The following AFP variants were observed in gnomAD, a reference collection of about 807,000 sequenced individuals.
AFP encodes the protein alpha-fetoprotein.
In AFP, 64 loss-of-function variants were observed where a neutral mutation model predicts 78.9. That is an observed-to-expected ratio of 0.81 (90% CI 0.66 to 1.00). AFP has a LOEUF of 1.00. Among genes scored for constraint, AFP ranks in the 50% least tolerant of loss-of-function variants. The probability of loss-of-function intolerance (pLI) is 0.00; values close to 1 mark genes in which losing one functional copy is unlikely to be tolerated. For synonymous variants in AFP, 254 were observed against 243.8 expected, an observed-to-expected ratio of 1.04 and a Z score of -0.39; for missense variants, 689 against 703.8, an observed-to-expected ratio of 0.98 and a Z score of 0.24.
At chr4:73,451,665 G>A (rs531893531) in intron 11 of AFP, among the ~76,000 whole-genome samples, 51 of 152,140 alleles carry the variant, frequency 3.4e-4, no homozygotes, top group Non-Finnish European at 6.2e-4. Flanking sequence ...GTATCACAGT[G>A]GGAAAGCAAC....
At chr4:73,437,581 T>C (rs778919774) in intron 2 of AFP, among the ~76,000 whole-genome samples, 46 of 152,074 alleles carry the variant, frequency 3.0e-4, no homozygotes, top group Non-Finnish European at 4.0e-4. Flanking sequence ...CAGCAAACCA[T>C]AGGTGATAAA....
At position 73,442,322 on chromosome 4, in the gene AFP, A is replaced by G. The variant is rs770193593; in HGVS notation, c.509A>G (p.His170Arg). 1.2e-6 allele frequency: 2 copies of G among 1,613,860 alleles called. No homozygotes were observed. Among genetic ancestry groups the G allele is most frequent in the Non-Finnish European group, 1.7e-6 (2 of 1,179,912 alleles). Reference sequence around the variant, plus strand: ...TTCATTTATGAGATAGCAAGAAGGCATCCCTTCCTGTATGCACCTACAATT... The same window carrying G: ...TTCATTTATGAGATAGCAAGAAGGCGTCCCTTCCTGTATGCACCTACAATT... ...NKFIYEIARR[H>R]PFLYAPTILL... is the part of the protein sequence containing the mutation. The change falls in exon 5 of 15, where the codon CAT (histidine) becomes CGT (arginine). Residue 170 changes from histidine to arginine, a missense_variant. Coordinates refer to ENST00000395792, the MANE Select transcript of AFP (RefSeq NM_001134.3).
At position 73,438,297 on chromosome 4, in the gene AFP, A is replaced by G. The variant is rs1202196572; in HGVS notation, c.261A>G (p.Leu87=). The part of the protein sequence containing the change: ...PTGDEQSSGC[L]ENQLPAFLEE... ...GAGATGAACAGTCTTCAGGGTGTTT[A>G]GAAAACCAGGTGAGTGAATAATTTT... Residue 87 remains leucine, a synonymous_variant, in exon 3 of 15, where the codon TTA becomes TTG. Coordinates refer to ENST00000395792, the MANE Select transcript of AFP (RefSeq NM_001134.3). 6.2e-7 allele frequency: 1 copy of G among 1,612,844 alleles called. No individual in the cohort carries two copies. The highest frequency in any genetic ancestry group is 8.5e-7 in the Non-Finnish European group (1 of 1,179,166).
In AFP at chr4:73,443,417, A is replaced by T. The variant is rs1719729869; in HGVS notation, c.686A>T (p.Asn229Ile). The T allele has an allele frequency of 6.2e-7, 1 of 1,613,240 alleles. No homozygotes were observed. The highest frequency in any genetic ancestry group is 1.1e-5 in the South Asian group (1 of 91,050). Residue 229 changes from asparagine (N) to isoleucine (I), a missense_variant, in exon 6 of 15, where the codon AAT (asparagine) becomes ATT (isoleucine). By Grantham distance (149) the Asn-to-Ile change is moderately radical. Transcript: ENST00000395792. The part of the protein sequence containing the change: ...LNQHACAVMK[N>I]FGTRTFQAIT... ...CAACATGCATGTGCAGTAATGAAAA[A>T]TTTTGGGACCCGAACTTTCCAAGCC...
chr4:73,447,665 C>G lies in AFP; in HGVS notation c.1047C>G (p.Ile349Met), dbSNP rs771121448. The G allele has an allele frequency of 2.5e-6, 4 of 1,608,984 alleles. No individual in the cohort carries two copies. The highest frequency in any genetic ancestry group is 3.4e-6 in the Non-Finnish European group (4 of 1,177,396). The change falls in exon 8 of 15, where the codon ATC becomes ATG. Residue 349 changes from isoleucine to methionine, a missense_variant. Physicochemically the swap from Ile to Met is conservative, Grantham distance 10. Transcript: ENST00000395792. ...AATTTTCTTCAGGGGAAAAAAATAT[C>G]TTCTTGGCAAGGTAACACACTCTGT... ...FNQFSSGEKNIFLASFVHEYS... is the reference protein window; with the variant it reads ...FNQFSSGEKNMFLASFVHEYS...
intron 11 of AFP, among the ~76,000 whole-genome samples, chr4:73,451,720 CA>C (rs1310375678): frequency 6.6e-6 from 1 of 152,160 alleles, no homozygotes; most frequent in African/African-American, 2.4e-5. Flanking sequence ...TTTGAGAATA[CA>C]AATTATACCA....
chr4:73,437,341 C>T, intron 2 of AFP, 130 bp downstream of exon 2: 1 of 716,654 alleles, frequency 1.4e-6, no homozygotes, highest in Non-Finnish European at 2.4e-6. Context: ...AGAAAAGTTA[C>T]TCATACTGAA....
chr4:73,440,574 T>G (rs954699069), intron 3 of AFP, 28 bp from the exon 4 acceptor site: 1 of 1,579,654 alleles, frequency 6.3e-7, no homozygotes, highest in Admixed American at 1.7e-5. Flanking sequence ...TTAGTTGTCT[T>G]TCTCCAAACA....
chr4:73,452,440 A>G lies in AFP; in HGVS notation c.1468A>G (p.Met490Val), dbSNP rs1720024819. The change falls in exon 12 of 15, where the codon ATG becomes GTG. Residue 490 changes from methionine to valine, a missense_variant. Physicochemically the swap from Met to Val is conservative, Grantham distance 21. Coordinates refer to ENST00000395792, the MANE Select transcript of AFP (RefSeq NM_001134.3). Reference protein sequence around the residue: ...IIGHLCIRHEMTPVNPGVGQC... With the variant: ...IIGHLCIRHEVTPVNPGVGQC... ...CGGACACTTATGTATCAGACATGAA[A>G]TGACTCCAGTAAACCCTGGTGTTGG... The G allele has an allele frequency of 5.0e-6, 8 of 1,614,084 alleles. No homozygotes were observed. Among genetic ancestry groups the G allele is most frequent in the Non-Finnish European group, 6.8e-6 (8 of 1,179,968 alleles).
At chr4:73,453,714 T>C (rs976011581) in intron 12 of AFP, 51 bp from the exon 13 acceptor site, 9 of 1,600,878 alleles carry the variant, frequency 5.6e-6, no homozygotes, top group Middle Eastern at 3.4e-4. Context: ...TGTAGAAAAA[T>C]AGCATTGCAT....
intron 6 of AFP, among the ~76,000 whole-genome samples, chr4:73,444,096 C>CA (rs1719752554): frequency 6.6e-6 from 1 of 152,010 alleles, no homozygotes; most frequent in Non-Finnish European, 1.5e-5. Context: ...GGTTAAATAA[C>CA]ACGTTAAAGC....
rs1482263301 is a variant in AFP, at chr4:73,438,293, G to T, written c.257G>T (p.Cys86Phe). 6.2e-7 allele frequency: 1 copy of T among 1,612,698 alleles called. No individual in the cohort carries two copies. The highest frequency in any genetic ancestry group is 8.5e-7 in the Non-Finnish European group (1 of 1,179,214). The change falls in exon 3 of 15, where the codon TGT (cysteine) becomes TTT (phenylalanine). Residue 86 changes from cysteine (C) to phenylalanine (F), a missense_variant. Physicochemically the swap from Cys to Phe is radical, Grantham distance 205. Coordinates refer to ENST00000395792, the MANE Select transcript of AFP (RefSeq NM_001134.3). The stretch of plus-strand genomic sequence containing the variant: ...ACTGGAGATGAACAGTCTTCAGGGT[G>T]TTTAGAAAACCAGGTGAGTGAATAA... ...KPTGDEQSSG[C>F]LENQLPAFLE...
intron 14 of AFP, 101 bp from the exon 15 acceptor site, chr4:73,455,530 C>T: frequency 1.5e-6 from 1 of 650,598 alleles, no homozygotes; most frequent in Non-Finnish European, 2.7e-6. Context: ...AGAAGACTTT[C>T]CTACGTATCC....
chr4:73,452,196 A>G (rs1461022175), intron 11 of AFP, among the ~76,000 whole-genome samples: 1 of 152,222 alleles, frequency 6.6e-6, no homozygotes, highest in East Asian at 1.9e-4. Flanking sequence ...ATCTGCTACT[A>G]CTTGCTAAGG....
At chr4:73,453,573 T>C in intron 12 of AFP, 192 bp from the exon 13 acceptor site, 1 of 632,124 alleles carries the variant, frequency 1.6e-6, no homozygotes, top group South Asian at 1.9e-5. Context: ...AACTCCAGGC[T>C]GGTGGAACAC....
chr4:73,452,784 C>T (rs2149337014), intron 12 of AFP, among the ~76,000 whole-genome samples, 160 bp downstream of exon 12: 1 of 152,294 alleles, frequency 6.6e-6, no homozygotes, highest in East Asian at 1.9e-4. Flanking sequence ...AGTGTCTTCA[C>T]AGTCTCATTG....
At chr4:73,443,174 G>A (rs1015963373) in intron 5 of AFP, among the ~76,000 whole-genome samples, 173 bp from the exon 6 acceptor site, 8 of 152,040 alleles carry the variant, frequency 5.3e-5, no homozygotes, top group Non-Finnish European at 1.2e-4. Context: ...TAACCCAAAA[G>A]AATAAATGAG....
intron 6 of AFP, among the ~76,000 whole-genome samples, chr4:73,443,864 A>G (rs184529801): frequency 1.4e-4 from 22 of 152,290 alleles, no homozygotes; most frequent in Non-Finnish European, 2.2e-4. Flanking sequence ...TTAATCTTCT[A>G]TAAGGCTCTT....
chr4:73,453,933 T>C, intron 13 of AFP, 36 bp downstream of exon 13: 1 of 1,612,768 alleles, frequency 6.2e-7, no homozygotes, highest in Non-Finnish European at 8.5e-7. Context: ...AAATACTTGC[T>C]ATGGAATTTT....
Sources: allele counts gnomAD v4.1 joint callset (sites outside exome capture counted in the v4.1 genomes callset), GRCh38; gene constraint gnomAD v4.1.1; transcripts MANE v1.5; gene names NCBI Gene and HGNC (gene_info 2026-07-23, HGNC 2026-07-21).